CEACAM4: variants seen among roughly 807,000 people sequenced by gnomAD.
CEACAM4 encodes the protein cell adhesion molecule CEACAM4.
CEACAM4 carries 30 observed loss-of-function variants against 28.7 expected under a neutral mutation model. The ratio of observed to expected loss-of-function variants is 1.05; its 90% confidence interval spans 0.78 to 1.42. CEACAM4 has a LOEUF of 1.42. CEACAM4 is among the 40% of genes most tolerant of loss of function. The pLI, the probability that CEACAM4 is intolerant of heterozygous loss-of-function variation, is 0.00. For missense variants in CEACAM4, 330 were observed against 308.2 expected (o/e 1.07, Z -0.53); for synonymous variants, 143 against 126.5 (o/e 1.13, Z -0.87).
At chr19:41,620,523 C>G (rs1833210319) in intron 4 of CEACAM4, 52 bp downstream of exon 4, 1 of 1,490,210 alleles carries the variant, frequency 6.7e-7, no homozygotes, top group Admixed American at 2.1e-5. Flanking sequence ...CAGGAGTGGA[C>G]ACCGTAGGGC....
At chr19:41,620,441 C>T (rs2071203337) in intron 4 of CEACAM4, 134 bp downstream of exon 4, 3 of 898,154 alleles carry the variant, frequency 3.3e-6, no homozygotes, top group African/African-American at 1.7e-5. Context: ...GTCGGGGTCC[C>T]CTGTGTCATG....
chr19:41,620,753 T>C (rs2071228726), intron 3 of CEACAM4, 126 bp from the exon 4 acceptor site: 1 of 807,978 alleles, frequency 1.2e-6, no homozygotes, highest in Admixed American at 2.3e-5. Context: ...TCCATCAGTT[T>C]CGTGGTAGGA....
At chr19:41,623,788 G>T (rs782049073) in intron 2 of CEACAM4, among the ~76,000 whole-genome samples, 6 of 152,092 alleles carry the variant, frequency 3.9e-5, no homozygotes, top group Non-Finnish European at 8.8e-5. Flanking sequence ...AAGAACAGAT[G>T]CTCTGGCATA....
chr19:41,623,316 C>T (rs1449452948), intron 2 of CEACAM4, among the ~76,000 whole-genome samples: 1 of 152,130 alleles, frequency 6.6e-6, no homozygotes, highest in Non-Finnish European at 1.5e-5. Flanking sequence ...CGCTCCTGGC[C>T]CCAGAGTTGT....
In CEACAM4 at chr19:41,627,032, T is replaced by C. The variant is rs2071713191; in HGVS notation, c.-69A>G. ...CCAGGAACGCTCTTGTCAGAGCTGCTGTGACTGTCGGCTGTCGGGGCTGCT... is the reference window on the plus strand; with the variant it reads ...CCAGGAACGCTCTTGTCAGAGCTGCCGTGACTGTCGGCTGTCGGGGCTGCT... On this transcript the variant is annotated 5_prime_UTR_variant, in exon 1 of 7. Transcript: ENST00000221954. 2.2e-6 allele frequency: 3 copies of C among 1,394,896 alleles called. No individual in the cohort carries two copies. The highest frequency in any genetic ancestry group is 1.8e-4 in the Middle Eastern group (1 of 5,414). The allele number at this position is 1,394,896 out of a possible 1,614,324, so 86.4% of individuals were successfully genotyped here.
At position 41,627,031 on chromosome 19, in the gene CEACAM4, C is replaced by T. The variant is rs1363921960; in HGVS notation, c.-68G>A. The T allele has an allele frequency of 7.2e-7, 1 of 1,393,846 alleles. No individual in the cohort carries two copies. Among genetic ancestry groups the T allele is most frequent in the East Asian group, 2.6e-5 (1 of 38,846 alleles). 86.3% of individuals were successfully genotyped at this position (1,393,846 alleles called of 1,614,324 possible). On this transcript the variant is annotated 5_prime_UTR_variant, in exon 1 of 7. Transcript: ENST00000221954. ...TCCAGGAACGCTCTTGTCAGAGCTG[C>T]TGTGACTGTCGGCTGTCGGGGCTGC...
intron 5 of CEACAM4, among the ~76,000 whole-genome samples, chr19:41,619,942 T>C (rs1175659933): frequency 6.6e-6 from 1 of 152,132 alleles, no homozygotes; most frequent in Non-Finnish European, 1.5e-5. Flanking sequence ...AATGTGGGCC[T>C]CTGACTGATG....
chr19:41,616,141 T>G (rs1270948901), downstream of CEACAM4, among the ~76,000 whole-genome samples: 3 of 152,168 alleles, frequency 2.0e-5, no homozygotes, highest in Non-Finnish European at 4.4e-5. Context: ...GCAATTCTCC[T>G]GCCTCAGCCT....
chr19:41,616,680 G>A (rs114617154), downstream of CEACAM4, among the ~76,000 whole-genome samples: 37 of 152,304 alleles, frequency 2.4e-4, no homozygotes, highest in African/African-American at 8.9e-4. Flanking sequence ...GAGCCCAGGA[G>A]ATCCTCTCAA....
downstream of CEACAM4, among the ~76,000 whole-genome samples, chr19:41,618,805 C>T (rs1038333227): frequency 6.6e-6 from 1 of 152,134 alleles, no homozygotes; most frequent in South Asian, 2.1e-4. Flanking sequence ...GCTGAGCGCT[C>T]GGCTGGCTGG....
rs781900184 is a variant in CEACAM4, at chr19:41,625,976, A to G, written c.65-16T>C. Reference sequence around the variant, plus strand: ...AAAAGTGAGGCTAGGAGGTGAAGACAGCATCAGTCAATACTGGGACCTATG... The same window carrying G: ...AAAAGTGAGGCTAGGAGGTGAAGACGGCATCAGTCAATACTGGGACCTATG... On this transcript the variant is annotated splice_polypyrimidine_tract_variant and intron_variant, in intron 1 of 6. Transcript: ENST00000221954. The G allele has an allele frequency of 2.1e-5, 33 of 1,595,222 alleles. No individual in the cohort carries two copies. Among genetic ancestry groups the G allele is most frequent in the Non-Finnish European group, 2.8e-5 (33 of 1,170,288 alleles).
intron 5 of CEACAM4, 104 bp from the exon 6 acceptor site, chr19:41,619,815 C>G: frequency 2.1e-6 from 2 of 950,850 alleles, no homozygotes; most frequent in Non-Finnish European, 3.1e-6. Flanking sequence ...ACTTCCCTGC[C>G]TCCACTTCCA....
chr19:41,622,739 C>T (rs782001402), intron 2 of CEACAM4, among the ~76,000 whole-genome samples: 42 of 152,278 alleles, frequency 2.8e-4, no homozygotes, highest in Admixed American at 1.5e-3. Flanking sequence ...GTTGAGCTCT[C>T]GCCCTGTGTA....
Position 41,620,301 on chromosome 19 carries a change from A to C in CEACAM4, c.596-59T>G, listed in dbSNP as rs1406812641. The stretch of plus-strand genomic sequence containing the variant: ...GGAGGAGAGCCTGGGCCCCTCCTGC[A>C]GGAGAGTGTAGGGGTCCTCAGCTCC... On this transcript the variant is annotated intron_variant, in intron 4 of 6. Coordinates refer to ENST00000221954, the MANE Select transcript of CEACAM4 (RefSeq NM_001817.4). 3.7e-6 allele frequency: 5 copies of C among 1,352,052 alleles called. No individual in the cohort carries two copies. The Admixed American group carries it at 9.8e-5, about 26-fold the overall frequency. 83.8% of individuals were successfully genotyped at this position (1,352,052 alleles called of 1,614,324 possible).
chr19:41,620,759 T>C, intron 3 of CEACAM4, 132 bp from the exon 4 acceptor site: 3 of 777,364 alleles, frequency 3.9e-6, no homozygotes, highest in Non-Finnish European at 4.4e-6. Flanking sequence ...AGTTTCGTGG[T>C]AGGAGCGGCC....
intron 3 of CEACAM4, among the ~76,000 whole-genome samples, chr19:41,621,160 G>A (rs1289033072): frequency 6.6e-6 from 1 of 152,116 alleles, no homozygotes; most frequent in Non-Finnish European, 1.5e-5. Context: ...AGCAGGTCCT[G>A]AGGTCCAGGT....
downstream of CEACAM4, among the ~76,000 whole-genome samples, chr19:41,618,399 G>A (rs915572010): frequency 1.1e-4 from 17 of 152,252 alleles, no homozygotes; most frequent in Admixed American, 4.6e-4. Flanking sequence ...TGAATTATGC[G>A]TCTGTATTAA....
chr19:41,625,032 C>G (rs1412180340), intron 2 of CEACAM4, among the ~76,000 whole-genome samples: 6 of 152,196 alleles, frequency 3.9e-5, no homozygotes, highest in African/African-American at 9.7e-5. Context: ...TAATCCTGTC[C>G]CCCTGCCCTC....
intron 5 of CEACAM4, 115 bp downstream of exon 5, chr19:41,620,096 G>T (rs2071172118): frequency 1.9e-5 from 19 of 993,124 alleles, no homozygotes; most frequent in Non-Finnish European, 2.7e-5. Flanking sequence ...ACTTTGACCT[G>T]ACTGTTCTGG....
Sources: allele counts gnomAD v4.1 joint callset (sites outside exome capture counted in the v4.1 genomes callset), GRCh38; gene constraint gnomAD v4.1.1; transcripts MANE v1.5; gene names NCBI Gene and HGNC (gene_info 2026-07-23, HGNC 2026-07-21).